HDAC9: variants seen among roughly 807,000 people sequenced by gnomAD.
HDAC9 encodes the protein MEF-2 interacting transcription repressor (MITR) protein.
Under a neutral mutation model 139.4 loss-of-function variants are expected in HDAC9, and 41 were observed. That is an observed-to-expected ratio of 0.29 (90% CI 0.23 to 0.38). The LOEUF (loss-of-function observed/expected upper bound fraction) is 0.38, where lower values mean the gene tolerates loss of function less well. Among genes scored for constraint, HDAC9 ranks in the 10% least tolerant of loss-of-function variants. HDAC9 has a pLI of 1.00. For synonymous variants in HDAC9, 517 were observed against 476.2 expected (o/e 1.09, Z -1.12); for missense variants, 1,147 against 1,297.0 (o/e 0.88, Z 1.78).
intron 17 of HDAC9, among the ~76,000 whole-genome samples, chr7:18,814,083 C>T (rs536896476): frequency 2.8e-4 from 42 of 152,296 alleles, no homozygotes; most frequent in African/African-American, 9.9e-4. Flanking sequence ...CTTATATATG[C>T]TTTAGCTTAT....
At chr7:18,989,347 T>A (rs963673693) in intron 25 of HDAC9, among the ~76,000 whole-genome samples, 5 of 151,680 alleles carry the variant, frequency 3.3e-5, no homozygotes, top group Non-Finnish European at 7.4e-5. Flanking sequence ...GGATATGAAA[T>A]TCTGGGTTGA....
At chr7:18,317,566 C>T (rs1029293326) in intron 1 of HDAC9, among the ~76,000 whole-genome samples, 2 of 152,144 alleles carry the variant, frequency 1.3e-5, no homozygotes, top group Non-Finnish European at 2.9e-5. Flanking sequence ...CTATGACTCA[C>T]GTATGTATTT....
intron 2 of HDAC9, among the ~76,000 whole-genome samples, chr7:18,206,232 A>G (rs1215433905): frequency 1.3e-5 from 2 of 152,178 alleles, no homozygotes; most frequent in African/African-American, 2.4e-5. Flanking sequence ...TTAATTGGTA[A>G]CAAGGAGGGG....
intron 12 of HDAC9, among the ~76,000 whole-genome samples, chr7:18,688,185 A>G (rs1782414660): frequency 6.6e-6 from 1 of 151,824 alleles, no homozygotes; most frequent in Admixed American, 6.6e-5. Flanking sequence ...GTTTTCAACA[A>G]GTGGAATAAA....
intron 1 of HDAC9, among the ~76,000 whole-genome samples, chr7:18,349,766 G>T (rs1782712716): frequency 6.6e-6 from 1 of 151,844 alleles, no homozygotes. Flanking sequence ...GCACTATGCA[G>T]AAAAAATATG....
intron 2 of HDAC9, among the ~76,000 whole-genome samples, chr7:18,568,969 C>T (rs1278762296): frequency 2.6e-5 from 4 of 152,102 alleles, no homozygotes; most frequent in Non-Finnish European, 4.4e-5. Flanking sequence ...ATCGCTTGAA[C>T]CCGGGAGGCG....
chr7:18,111,440 G>T (rs140865800), intron 1 of HDAC9, among the ~76,000 whole-genome samples: 7 of 152,322 alleles, frequency 4.6e-5, no homozygotes, highest in African/African-American at 1.4e-4. Flanking sequence ...CTGGAAAAGA[G>T]TGGCAGAGTA....
intron 17 of HDAC9, among the ~76,000 whole-genome samples, chr7:18,795,719 T>C (rs1792742840): frequency 1.3e-5 from 2 of 152,138 alleles, no homozygotes; most frequent in South Asian, 4.1e-4. Context: ...GGGGGAAAAG[T>C]AGAACTCACA....
chr7:18,656,301 A>G (rs1468124840), intron 11 of HDAC9, among the ~76,000 whole-genome samples: 1 of 152,118 alleles, frequency 6.6e-6, no homozygotes, highest in Non-Finnish European at 1.5e-5. Context: ...AAAGTCCTGC[A>G]ACAGTCTCCG....
rs1206410595 is a variant in HDAC9, at chr7:18,717,516, C to T, written c.1732-10064C>T. On this transcript the variant is annotated intron_variant, in intron 12 of 25. Transcript: ENST00000686413. The stretch of plus-strand genomic sequence containing the variant: ...GCGCGATCTCAGCTCACTGCAACCT[C>T]CGCCCCCCAGGTTCAAGTGATTCTC... Among the ~76,000 whole-genome samples, 4 of 151,238 alleles carry T rather than the reference C, an allele frequency of 2.6e-5. No individual in the cohort carries two copies. The South Asian group carries it at 6.2e-4, about 24-fold the overall frequency.
intron 23 of HDAC9, among the ~76,000 whole-genome samples, chr7:18,946,057 A>T: frequency 7.0e-6 from 1 of 143,352 alleles, no homozygotes; most frequent in South Asian, 2.2e-4. Flanking sequence ...AAAAAAAAAA[A>T]AAAAAAAAAA....
chr7:18,332,046 T>G (rs1800963326), intron 1 of HDAC9, among the ~76,000 whole-genome samples: 1 of 151,632 alleles, frequency 6.6e-6, no homozygotes, highest in African/African-American at 2.4e-5. Flanking sequence ...TTTCATGGCC[T>G]TTGCCCGTCA....
At chr7:18,825,794 A>C (rs1426537060) in intron 17 of HDAC9, among the ~76,000 whole-genome samples, 1 of 148,312 alleles carries the variant, frequency 6.7e-6, no homozygotes, top group Non-Finnish European at 1.5e-5. Context: ...CTTCACATAC[A>C]CATATATACA....
At chr7:18,405,254 A>G (rs1787902852) in intron 1 of HDAC9, among the ~76,000 whole-genome samples, 1 of 152,230 alleles carries the variant, frequency 6.6e-6, no homozygotes, top group Non-Finnish European at 1.5e-5. Context: ...GCTCTCCCTT[A>G]AAACAGAGCT....
chr7:18,520,769 A>T (rs1178256538), intron 2 of HDAC9, among the ~76,000 whole-genome samples: 1 of 152,340 alleles, frequency 6.6e-6, no homozygotes, highest in East Asian at 1.9e-4. Flanking sequence ...CCTTGGTCTG[A>T]CACCAAGCAA....
At chr7:18,339,806 TGTGGTCTATA>T (rs1781865543) in intron 1 of HDAC9, among the ~76,000 whole-genome samples, 1 of 151,558 alleles carries the variant, frequency 6.6e-6, no homozygotes, top group Non-Finnish European at 1.5e-5. Flanking sequence ...TTGCACACAA[TGTGGTCTATA>T]AGACCACATT....
intron 2 of HDAC9, among the ~76,000 whole-genome samples, chr7:18,201,469 C>T: frequency 6.6e-6 from 1 of 152,190 alleles, no homozygotes; most frequent in East Asian, 1.9e-4. Context: ...TTAACAGTCC[C>T]CTACTGAGCT....
At chr7:18,788,052 C>T (rs773758670) in intron 16 of HDAC9, among the ~76,000 whole-genome samples, 2 of 152,114 alleles carry the variant, frequency 1.3e-5, no homozygotes, top group African/African-American at 2.4e-5. Context: ...TCCTGCTGTC[C>T]TCTGAACACT....
intron 19 of HDAC9, among the ~76,000 whole-genome samples, chr7:18,834,959 A>G (rs529240458): frequency 4.6e-5 from 7 of 152,294 alleles, no homozygotes; most frequent in African/African-American, 1.7e-4. Flanking sequence ...TAAGCCATAG[A>G]TCCTTCTGCA....
Sources: gnomAD v4.1 joint callset for allele counts (sites outside exome capture counted in the v4.1 genomes callset) on GRCh38, gnomAD v4.1.1 for gene constraint, MANE v1.5 for transcripts, NCBI Gene and HGNC (gene_info 2026-07-23, HGNC 2026-07-21) for gene names.